MTERF3: variants seen among roughly 807,000 people sequenced by gnomAD.
MTERF3 encodes mitochondrial transcription termination factor 3.
A neutral mutation model predicts 40.5 loss-of-function variants in MTERF3; 40 were observed. The ratio of observed to expected loss-of-function variants is 0.99; its 90% CI spans 0.77 to 1.29. The LOEUF is 1.29. Among genes scored for constraint, MTERF3 ranks in the 50% most tolerant of loss-of-function variants. The pLI is 0.00. For synonymous variants in MTERF3, 158 were observed against 166.6 expected, an observed-to-expected ratio of 0.95 and a Z score of 0.40; for missense variants, 452 against 478.2, an observed-to-expected ratio of 0.95 and a Z score of 0.51.
At chr8:96,241,004 G>A (rs554089887) in intron 7 of MTERF3, among the ~76,000 whole-genome samples, 1 of 152,136 alleles carries the variant, frequency 6.6e-6, no homozygotes, top group Non-Finnish European at 1.5e-5. Context: ...TTCTGCCCTT[G>A]TTCTGATAAC....
intron 3 of MTERF3, among the ~76,000 whole-genome samples, chr8:96,253,192 T>C (rs1384720284): frequency 1.3e-5 from 2 of 152,130 alleles, no homozygotes; most frequent in Non-Finnish European, 2.9e-5. Context: ...AGGACTTTAA[T>C]GAAGGGACTC....
At position 96,258,561 on chromosome 8, in the gene MTERF3, G is replaced by T; in HGVS notation, c.130C>A (p.Gln44Lys). ...CAATTGTCAGAGGATATCTGAGGCT[G>T]AGCAGAAAAGCCATGTAACAGTGTT... ...ARTLLHGFSA[Q>K]PQISSDNCFL... The change falls in exon 2 of 8, where the codon CAG (glutamine) becomes AAG (lysine). Residue 44 changes from glutamine to lysine, a missense_variant. By Grantham distance (53) the Gln-to-Lys change is moderately conservative (BLOSUM62 1). Transcript: ENST00000287025. 1 of 1,614,144 alleles carries T rather than the reference G, an allele frequency of 6.2e-7. No homozygotes were observed. The highest frequency in any genetic ancestry group is 1.1e-5 in the South Asian group (1 of 91,082).
intron 1 of MTERF3, chr8:96,260,115 A>G (rs1314234289): frequency 6.6e-6 from 1 of 152,162 alleles, no homozygotes; most frequent in African/African-American, 2.4e-5. Context: ...CATCTTGGCC[A>G]GGCTGGCCTC....
At chr8:96,251,763 G>A (rs571573902) in intron 3 of MTERF3, among the ~76,000 whole-genome samples, 13 of 152,088 alleles carry the variant, frequency 8.5e-5, no homozygotes, top group African/African-American at 1.7e-4. Context: ...AAAAAAAATC[G>A]TCATATTCAT....
rs115550795 is a variant in MTERF3 at position 96,253,254 on chromosome 8, A to C, written c.488-2159T>G. Among the ~76,000 whole-genome samples the C allele has an allele frequency of 4.8e-3, 732 of 152,298 alleles. 3 individuals carry two copies. Among genetic ancestry groups the C allele is most frequent in the African/African-American group, 0.014 (587 of 41,572 alleles). ...AGAACAAACAAGAGCCTTCCCAACA[A>C]TAAAGAGACAAGGAGGCAAAATGTT... On this transcript the variant is annotated intron_variant, in intron 3 of 7. Coordinates refer to ENST00000287025, the MANE Select transcript of MTERF3 (RefSeq NM_015942.5).
intron 3 of MTERF3, among the ~76,000 whole-genome samples, chr8:96,253,454 G>A (rs553837713): frequency 6.6e-6 from 1 of 152,230 alleles, no homozygotes. Flanking sequence ...CTGCCAAGAA[G>A]CCAGCTGGCA....
Position 96,246,381 on chromosome 8 carries a change from GCA to G in MTERF3, c.749_750del (p.Leu250SerfsTer10). On this transcript the variant is annotated frameshift_variant, in exon 5 of 8. Coordinates refer to ENST00000287025, the MANE Select transcript of MTERF3 (RefSeq NM_015942.5). LOFTEE classifies it high-confidence loss of function. ...VAQMVRKAPF[L>X]LNFSVERLDN... Reference sequence around the variant, plus strand: ...TCCAGTCTTTCCACTGAAAAGTTCAGCAAAAATGGTGCTTTTCTGACCATCTG... The same window carrying G: ...TCCAGTCTTTCCACTGAAAAGTTCAGAAAATGGTGCTTTTCTGACCATCTG... The G allele has an allele frequency of 1.2e-6, 2 of 1,612,650 alleles. No homozygotes were observed.
intron 4 of MTERF3, among the ~76,000 whole-genome samples, chr8:96,250,158 A>G (rs1269037012): frequency 1.3e-5 from 2 of 152,138 alleles, no homozygotes; most frequent in Non-Finnish European, 2.9e-5. Context: ...GAAGAAAACA[A>G]GGAACAACCA....
At chr8:96,248,944 C>T (rs143988795) in intron 4 of MTERF3, among the ~76,000 whole-genome samples, 27 of 152,246 alleles carry the variant, frequency 1.8e-4, no homozygotes, top group South Asian at 4.1e-4. Flanking sequence ...CTTTTGAATA[C>T]ATGTGGCTGC....
intron 4 of MTERF3, 59 bp downstream of exon 4, chr8:96,250,847 C>A: frequency 6.8e-7 from 1 of 1,481,310 alleles, no homozygotes; most frequent in South Asian, 1.2e-5. Context: ...ATACCTTCCA[C>A]ATATATTTCC....
chr8:96,256,628 G>T (rs1810284370), intron 3 of MTERF3, among the ~76,000 whole-genome samples: 1 of 152,148 alleles, frequency 6.6e-6, no homozygotes, highest in Non-Finnish European at 1.5e-5. Context: ...GAATTGAAAA[G>T]AATACAGGAA....
chr8:96,249,253 G>A lies in MTERF3; in HGVS notation c.677+1653C>T, dbSNP rs946683959. On this transcript the variant is annotated intron_variant, in intron 4 of 7. Transcript: ENST00000287025. ...TGGGCAAATTATTTAACCTCTCTGC[G>A]ACTCCTATGTACAAAGGTGCTATTA... is the stretch of plus-strand genomic sequence containing the variant. Among the ~76,000 whole-genome samples, 10 of 152,268 alleles carry A rather than the reference G, an allele frequency of 6.6e-5. No individual in the cohort carries two copies. The East Asian group carries it at 9.7e-4, about 15-fold the overall frequency.
chr8:96,247,386 AG>A (rs1314960437), intron 4 of MTERF3, among the ~76,000 whole-genome samples: 6 of 152,254 alleles, frequency 3.9e-5, no homozygotes, highest in African/African-American at 1.4e-4. Flanking sequence ...AGTAAAATAT[AG>A]AAAGTTTGAC....
intron 2 of MTERF3, among the ~76,000 whole-genome samples, chr8:96,257,462 A>T (rs1252784679): frequency 6.6e-6 from 1 of 152,226 alleles, no homozygotes; most frequent in Non-Finnish European, 1.5e-5. Flanking sequence ...GGCTAAAAGT[A>T]CACATATGCC....
intron 4 of MTERF3, among the ~76,000 whole-genome samples, chr8:96,247,725 C>A (rs6468495): frequency 0.55 from 84,202 of 151,810 alleles, 25,642 homozygotes; most frequent in African/African-American, 0.82. Flanking sequence ...AATATTTATA[C>A]GTTTAAGTAT....
chr8:96,256,098 C>T (rs746774090), intron 3 of MTERF3, among the ~76,000 whole-genome samples: 21 of 152,106 alleles, frequency 1.4e-4, no homozygotes, highest in Non-Finnish European at 2.5e-4. Flanking sequence ...ATGAGAAGTA[C>T]CAAACCCAGA....
Position 96,258,387 on chromosome 8 carries a change from A to C in MTERF3, c.304T>G (p.Ser102Ala), listed in dbSNP as rs759679822. The C allele has an allele frequency of 6.2e-7, 1 of 1,613,328 alleles. No homozygotes were observed. Among genetic ancestry groups the C allele is most frequent in the East Asian group, 2.2e-5 (1 of 44,848 alleles). Residue 102 changes from serine to alanine, a missense_variant, in exon 2 of 8, where the codon TCC becomes GCC. Transcript: ENST00000287025. ...NEQSQKTQNI[S>A]SFDSELFLEE... ...AGAAACAGCTCAGAATCAAAGCTGG[A>C]TATATTTTGTGTCTTCTGTGACTGT...
chr8:96,241,601 G>C (rs929802290), intron 7 of MTERF3, among the ~76,000 whole-genome samples: 1 of 152,150 alleles, frequency 6.6e-6, no homozygotes, highest in Admixed American at 6.5e-5. Context: ...CATCATTAGA[G>C]AGTTGTGTAC....
chr8:96,243,955 C>T lies in MTERF3; in HGVS notation c.1023G>A (p.Met341Ile). 1 of 1,614,002 alleles carries T rather than the reference C, an allele frequency of 6.2e-7. No homozygotes were observed. Among genetic ancestry groups the T allele is most frequent in the Non-Finnish European group, 8.5e-7 (1 of 1,179,986 alleles). Residue 341 changes from methionine to isoleucine, a missense_variant, in exon 7 of 8, where the codon ATG becomes ATA. Met to Ile is a conservative substitution (Grantham distance 10, BLOSUM62 1). Coordinates refer to ENST00000287025, the MANE Select transcript of MTERF3 (RefSeq NM_015942.5). ...TGACAATGATGTGGTGGGGAATGCT[C>T]ATCACATTGTGCACAAAATCAAACG... is the stretch of plus-strand genomic sequence containing the variant. ...TETFDFVHNV[M>I]SIPHHIIVKF...
Sources: allele counts gnomAD v4.1 joint callset (sites outside exome capture counted in the v4.1 genomes callset), GRCh38; gene constraint gnomAD v4.1.1; transcripts MANE v1.5; gene names NCBI Gene and HGNC (gene_info 2026-07-23, HGNC 2026-07-21).